Variants in OTOF observed in about 807,000 individuals in gnomAD.
The protein encoded by OTOF is otoferlin.
OTOF carries 218 observed loss-of-function variants against 236.8 expected under a neutral mutation model. The ratio of observed to expected loss-of-function variants is 0.92; its 90% CI spans 0.82 to 1.03. OTOF has a LOEUF of 1.03. Ranked by LOEUF, OTOF falls within the 50% of genes least tolerant of loss-of-function variation. The probability of loss-of-function intolerance (pLI) is 0.00; values close to 1 mark genes in which losing one functional copy is unlikely to be tolerated. For missense variants in OTOF, 2,590 were observed against 2,694.4 expected, an observed-to-expected ratio of 0.96 and a Z score of 0.86; for synonymous variants, 1,041 against 1,072.5, an observed-to-expected ratio of 0.97 and a Z score of 0.57.
Position 26,519,037 on chromosome 2 carries a change from C to T in OTOF, c.300G>A (p.Leu100=). 6.2e-7 allele frequency: 1 copy of T among 1,610,006 alleles called. No homozygotes were observed. Among genetic ancestry groups the T allele is most frequent in the Non-Finnish European group, 8.5e-7 (1 of 1,177,708 alleles). The change falls in exon 4 of 47, where the codon CTG becomes CTA. Residue 100 remains leucine (L), a synonymous_variant. Transcript: ENST00000272371. ...TGATGATAGCATTGTTGTCATCAATCAGCGTGTCAGTCACCTCCACATGGC... is the reference window on the plus strand; with the variant it reads ...TGATGATAGCATTGTTGTCATCAATTAGCGTGTCAGTCACCTCCACATGGC... ...EESHVEVTDT[L]IDDNNAIIKT... is the part of the protein sequence containing the mutation.
chr2:26,498,355 G>A (rs10177613), intron 8 of OTOF, among the ~76,000 whole-genome samples: 4,135 of 152,318 alleles, frequency 0.027, 178 homozygotes, highest in African/African-American at 0.095. Flanking sequence ...AGCTGAGGGC[G>A]CTGGAGAAAG....
intron 30 of OTOF, among the ~76,000 whole-genome samples, chr2:26,471,746 C>T (rs189797551): frequency 1.3e-5 from 2 of 152,150 alleles, no homozygotes; most frequent in African/African-American, 4.8e-5. Flanking sequence ...ATGCACACAC[C>T]CACATGTATG....
intron 3 of OTOF, among the ~76,000 whole-genome samples, chr2:26,523,342 C>T (rs149088124): frequency 6.6e-6 from 1 of 152,318 alleles, no homozygotes; most frequent in Non-Finnish European, 1.5e-5. Context: ...CCTAGGATGC[C>T]TCCTTCCTTC....
At chr2:26,475,750 C>G (rs999911750) in intron 24 of OTOF, among the ~76,000 whole-genome samples, 164 bp downstream of exon 24, 5 of 152,174 alleles carry the variant, frequency 3.3e-5, no homozygotes, top group African/African-American at 9.7e-5. Flanking sequence ...TGACCCGCGT[C>G]TGCTGCAGTT....
Position 26,477,198 on chromosome 2 carries a change from G to C in OTOF, c.2497C>G (p.Gln833Glu). Residue 833 changes from glutamine (Q) to glutamate (E), a missense_variant, in exon 21 of 47, where the codon CAG becomes GAG. Transcript: ENST00000272371. This position sits in a 1 kb window ranked among gnomAD's most constrained non-coding sequence, Gnocchi z 4.7. ...TCGTCCGCCAGGAAGCGCAGCTTCT[G>C]CAGGAAGTTCTGGCACAGCCTCAGC... ...DKLRLCQNFL[Q>E]KLRFLADEPQ... The C allele has an allele frequency of 1.9e-6, 3 of 1,610,798 alleles. No homozygotes were observed. Among genetic ancestry groups the C allele is most frequent in the Non-Finnish European group, 2.5e-6 (3 of 1,179,624 alleles).
intron 1 of OTOF, among the ~76,000 whole-genome samples, chr2:26,552,503 A>G (rs544809508): frequency 1.2e-4 from 19 of 152,360 alleles, no homozygotes; most frequent in African/African-American, 4.3e-4. Flanking sequence ...TCTGTTCTCA[A>G]GCACATTTCC....
intron 3 of OTOF, among the ~76,000 whole-genome samples, chr2:26,520,792 A>T (rs1572473255): frequency 6.6e-6 from 1 of 152,332 alleles, no homozygotes; most frequent in Admixed American, 6.5e-5. Context: ...CTAACAGTAG[A>T]CCACGGGCAC....
At position 26,459,568 on chromosome 2, in the gene OTOF, A is replaced by G. The variant is rs1664358101; in HGVS notation, c.*17+440T>C. On this transcript the variant is annotated intron_variant, in intron 46 of 46. Transcript: ENST00000272371. Reference sequence around the variant, plus strand: ...CTCTGTCTCCAAAAAAAAAAAAAAAAAAAAAAAATTGGGTTACAGTCTGGG... The same window carrying G: ...CTCTGTCTCCAAAAAAAAAAAAAAAGAAAAAAAATTGGGTTACAGTCTGGG... Among the ~76,000 whole-genome samples the G allele has an allele frequency of 2.0e-5, 3 of 151,882 alleles. No homozygotes were observed. The East Asian group carries it at 5.8e-4, about 29-fold the overall frequency.
At position 26,461,531 on chromosome 2, in the gene OTOF, G is replaced by T. The variant is rs1664460663; in HGVS notation, c.5533+165C>A. On this transcript the variant is annotated intron_variant, in intron 43 of 46. Transcript: ENST00000272371. The surrounding 1 kb of genome is among the most constrained non-coding windows in gnomAD (Gnocchi z 6.2). ...AGAACATCTGCCTAGGGACGGTTAG[G>T]TGGGTCCTTGGGGGCGGAACCCCGT... Among the ~76,000 whole-genome samples the T allele has an allele frequency of 6.6e-6, 1 of 151,994 alleles. No individual in the cohort carries two copies. The highest frequency in any genetic ancestry group is 2.4e-5 in the African/African-American group (1 of 41,368).
Position 26,477,451 on chromosome 2 carries a change from C to T in OTOF, c.2371G>A (p.Asp791Asn). Residue 791 changes from aspartate (D) to asparagine (N), a missense_variant, in exon 20 of 47, where the codon GAC becomes AAC. Asp to Asn is a conservative substitution (Grantham distance 23, BLOSUM62 1). Around this residue, in one of 2 missense-constraint regions of OTOF, gnomAD observed 1,379 missense variants for 1,341.6 expected, o/e 1.03. Coordinates refer to ENST00000272371, the MANE Select transcript of OTOF (RefSeq NM_194248.3). The surrounding 1 kb of genome is among the most constrained non-coding windows in gnomAD (Gnocchi z 4.7). ...ATGCAGGACTTGAGGCGCTCCCGGT[C>T]AAGCCTGGTGCGGGATGAGTGGCCC... ...DQGHSSRTRLDRERLKSCMRE... is the reference protein window; with the variant it reads ...DQGHSSRTRLNRERLKSCMRE... 1 of 1,601,468 alleles carries T rather than the reference C, an allele frequency of 6.2e-7. No individual in the cohort carries two copies. The highest frequency in any genetic ancestry group is 8.5e-7 in the Non-Finnish European group (1 of 1,174,856).
intron 2 of OTOF, among the ~76,000 whole-genome samples, chr2:26,537,365 G>A (rs1446556105): frequency 6.6e-6 from 1 of 152,190 alleles, no homozygotes; most frequent in Non-Finnish European, 1.5e-5. Flanking sequence ...CTGCCTCGTT[G>A]GGCCCTCAGC....
chr2:26,495,785 G>A lies in OTOF; in HGVS notation c.766-712C>T, dbSNP rs142499092. Among the ~76,000 whole-genome samples the A allele has an allele frequency of 5.0e-3, 760 of 152,292 alleles. 7 individuals carry two copies. The highest frequency in any genetic ancestry group is 0.016 in the African/African-American group (679 of 41,552). On this transcript the variant is annotated intron_variant, in intron 8 of 46. Coordinates refer to ENST00000272371, the MANE Select transcript of OTOF (RefSeq NM_194248.3). ...CAAGTGCCCTGCGTTCTTCCCCAGC[G>A]TCGATGGCTCTGCTTCAGAAAGAGC...
chr2:26,495,551 G>A (rs1245205516), intron 8 of OTOF, among the ~76,000 whole-genome samples: 1 of 152,040 alleles, frequency 6.6e-6, no homozygotes, highest in Non-Finnish European at 1.5e-5. Flanking sequence ...TCAGCCTCCT[G>A]AGTAGCTGGG....
At position 26,532,141 on chromosome 2, in the gene OTOF, G is replaced by A. The variant is rs189355331; in HGVS notation, c.139-4221C>T. 1.5e-4 allele frequency among the ~76,000 whole-genome samples: 23 copies of A among 148,434 alleles called. No individual in the cohort carries two copies. In the East Asian group the frequency reaches 3.7e-3, roughly 24 times the overall value. ...GACTGAAGGAAAAGGGCTTCTGAAG[G>A]AAGAATTTCATCTGGGTAGGACTTA... On this transcript the variant is annotated intron_variant, in intron 2 of 46. Transcript: ENST00000272371.
chr2:26,539,791 G>A (rs1323006232), intron 1 of OTOF, among the ~76,000 whole-genome samples: 1 of 152,192 alleles, frequency 6.6e-6, no homozygotes, highest in Non-Finnish European at 1.5e-5. Context: ...GAGGGAGAGT[G>A]AGAAGATATT....
intron 5 of OTOF, among the ~76,000 whole-genome samples, chr2:26,515,170 A>G (rs1439412645): frequency 6.6e-6 from 1 of 152,142 alleles, no homozygotes; most frequent in Non-Finnish European, 1.5e-5. Flanking sequence ...AGGTGAGGAG[A>G]GAGGGTCAGA....
At chr2:26,489,825 G>C in intron 9 of OTOF, 85 bp from the exon 10 acceptor site, 2 of 1,012,212 alleles carry the variant, frequency 2.0e-6, no homozygotes, top group South Asian at 2.6e-5. Flanking sequence ...TCCTCGCAGG[G>C]CCTGTCTGCA....
chr2:26,484,234 C>T (rs1473400543), intron 12 of OTOF, among the ~76,000 whole-genome samples: 2 of 152,228 alleles, frequency 1.3e-5, no homozygotes, highest in African/African-American at 2.4e-5. Context: ...CTGCCAGCAT[C>T]GACTCTTCTC....
At chr2:26,519,171 G>A in intron 3 of OTOF, 62 bp from the exon 4 acceptor site, 1 of 1,106,512 alleles carries the variant, frequency 9.0e-7, no homozygotes, top group Middle Eastern at 2.0e-4. Context: ...GAGCAAGACT[G>A]ACATCCCAAG....
Sources: gnomAD v4.1 joint callset for allele counts (sites outside exome capture counted in the v4.1 genomes callset) on GRCh38, gnomAD v4.1.1 for gene constraint, gnomAD v4.1.1 regional missense constraint, Gnocchi (gnomAD v3.1) non-coding constraint, MANE v1.5 for transcripts, NCBI Gene and HGNC (gene_info 2026-07-23, HGNC 2026-07-21) for gene names.